The following SPAG16 variants were observed in gnomAD, a reference collection of about 807,000 sequenced individuals.
SPAG16 encodes the protein sperm-associated antigen 16 protein.
Under a neutral mutation model 80.4 loss-of-function variants are expected in SPAG16, and 86 were observed. The ratio of observed to expected loss-of-function variants is 1.07; its 90% CI spans 0.90 to 1.28. The LOEUF (loss-of-function observed/expected upper bound fraction) is 1.28. Among genes scored for constraint, SPAG16 ranks in the 50% most tolerant of loss-of-function variants. The pLI, the probability that SPAG16 is intolerant of heterozygous loss-of-function variation, is 0.00. For synonymous variants in SPAG16, 294 were observed against 265.9 expected (o/e 1.11, Z -1.03); for missense variants, 870 against 765.3 (o/e 1.14, Z -1.61).
chr2:213,894,067 A>G (rs1050990248), intron 11 of SPAG16, among the ~76,000 whole-genome samples: 2 of 152,114 alleles, frequency 1.3e-5, no homozygotes, highest in Admixed American at 6.6e-5. Flanking sequence ...TATGCAACTG[A>G]AAACTAAAAA....
intron 10 of SPAG16, among the ~76,000 whole-genome samples, chr2:213,667,335 G>T (rs1362739851): frequency 6.6e-6 from 1 of 152,148 alleles, no homozygotes; most frequent in African/African-American, 2.4e-5. Flanking sequence ...GCTACTCTGG[G>T]AGTCAGGAGT....
At position 214,101,576 on chromosome 2, in the gene SPAG16, T is replaced by C. The variant is rs953156761; in HGVS notation, c.1528-6620T>C. On this transcript the variant is annotated intron_variant, in intron 13 of 15. Transcript: ENST00000331683. Reference sequence around the variant, plus strand: ...CATTACATGGTCTCTCATAAGCCCATGGAGGGTTAGGAGGTGCGTATCTAC... The same window carrying C: ...CATTACATGGTCTCTCATAAGCCCACGGAGGGTTAGGAGGTGCGTATCTAC... 5.9e-5 allele frequency among the ~76,000 whole-genome samples: 9 copies of C among 152,170 alleles called. No individual in the cohort carries two copies. In the East Asian group the frequency reaches 1.6e-3, roughly 26 times the overall value.
intron 10 of SPAG16, among the ~76,000 whole-genome samples, chr2:213,612,188 G>C (rs919988130): frequency 6.6e-6 from 1 of 152,054 alleles, no homozygotes; most frequent in African/African-American, 2.4e-5. Flanking sequence ...CTTATCTTTA[G>C]TTTAGATATG....
intron 10 of SPAG16, among the ~76,000 whole-genome samples, chr2:213,587,310 A>T (rs775508550): frequency 2.2e-4 from 34 of 152,082 alleles, no homozygotes; most frequent in Non-Finnish European, 3.5e-4. Context: ...CCTAGGTCAG[A>T]TGAGCTGGTA....
intron 12 of SPAG16, among the ~76,000 whole-genome samples, chr2:213,962,067 C>T (rs1302518616): frequency 6.6e-6 from 1 of 152,032 alleles, no homozygotes; most frequent in East Asian, 1.9e-4. Flanking sequence ...TGAACTGTAT[C>T]CCCTCAAAGT....
At chr2:213,966,648 A>G (rs1433924430) in intron 12 of SPAG16, among the ~76,000 whole-genome samples, 1 of 152,188 alleles carries the variant, frequency 6.6e-6, no homozygotes, top group Admixed American at 6.5e-5. Flanking sequence ...CAAATCTTCT[A>G]TGGTATACAT....
At chr2:214,391,578 C>T (rs1701081074) in intron 15 of SPAG16, among the ~76,000 whole-genome samples, 1 of 151,960 alleles carries the variant, frequency 6.6e-6, no homozygotes, top group African/African-American at 2.4e-5. Context: ...ACACACAAGG[C>T]CAAAGGAAAC....
chr2:213,752,355 A>T (rs1248910875), intron 10 of SPAG16, among the ~76,000 whole-genome samples: 1 of 151,774 alleles, frequency 6.6e-6, no homozygotes, highest in Admixed American at 6.6e-5. Context: ...ATGATTTTTG[A>T]CTCCCCTCTT....
At chr2:214,359,027 T>C (rs772149344) in intron 15 of SPAG16, among the ~76,000 whole-genome samples, 32 of 151,908 alleles carry the variant, frequency 2.1e-4, no homozygotes, top group Non-Finnish European at 3.7e-4. Flanking sequence ...GGATCAGTTA[T>C]TGAAGGCATA....
At chr2:214,153,633 C>T (rs575377460) in intron 15 of SPAG16, among the ~76,000 whole-genome samples, 2 of 151,936 alleles carry the variant, frequency 1.3e-5, no homozygotes, top group Non-Finnish European at 2.9e-5. Context: ...AAGAAAGATG[C>T]TTGAGGCTGG....
At chr2:213,866,023 A>G (rs2075666830) in intron 11 of SPAG16, among the ~76,000 whole-genome samples, 1 of 151,158 alleles carries the variant, frequency 6.6e-6, no homozygotes. Flanking sequence ...ATGGAAGAAA[A>G]ACCTGGACTA....
intron 12 of SPAG16, among the ~76,000 whole-genome samples, chr2:213,937,652 T>C (rs772081805): frequency 6.6e-5 from 10 of 151,268 alleles, no homozygotes; most frequent in South Asian, 2.1e-4. Flanking sequence ...TTTTTTTATT[T>C]TCCTTTCCCC....
chr2:213,748,274 A>C (rs1261411948), intron 10 of SPAG16, among the ~76,000 whole-genome samples: 2 of 152,186 alleles, frequency 1.3e-5, no homozygotes, highest in Non-Finnish European at 2.9e-5. Flanking sequence ...AAAATATTTC[A>C]TTGTGCATGT....
At chr2:213,515,283 C>T (rs1051979007) in intron 10 of SPAG16, among the ~76,000 whole-genome samples, 1 of 152,144 alleles carries the variant, frequency 6.6e-6, no homozygotes, top group South Asian at 2.1e-4. Flanking sequence ...CCTCCAAAGT[C>T]ACTCAATTCT....
In SPAG16 at chr2:213,728,773, A is replaced by T. The variant is rs529408199; in HGVS notation, c.1071-133712A>T. ...GTGCCTGTAGTCCCAGCTGCTCGGCAGGCTGAGGCAGGAGAATGGCACGAA... is the reference window on the plus strand; with the variant it reads ...GTGCCTGTAGTCCCAGCTGCTCGGCTGGCTGAGGCAGGAGAATGGCACGAA... On this transcript the variant is annotated intron_variant, in intron 10 of 15. Coordinates refer to ENST00000331683, the MANE Select transcript of SPAG16 (RefSeq NM_024532.5). Among the ~76,000 whole-genome samples, 350 of 151,514 alleles carry T rather than the reference A, an allele frequency of 2.3e-3. 1 individual carries two copies. The highest frequency in any genetic ancestry group is 7.9e-3 in the African/African-American group (324 of 41,232).
At chr2:213,385,964 A>G (rs530287917) in intron 9 of SPAG16, among the ~76,000 whole-genome samples, 1 of 152,144 alleles carries the variant, frequency 6.6e-6, no homozygotes, top group Non-Finnish European at 1.5e-5. Context: ...ATATTATTAT[A>G]CTATAACTTT....
intron 10 of SPAG16, among the ~76,000 whole-genome samples, chr2:213,823,357 CTTTGT>C (rs2073071114): frequency 1.3e-5 from 2 of 151,860 alleles, no homozygotes; most frequent in Non-Finnish European, 2.9e-5. Context: ...TTTTTATTTG[CTTTGT>C]TTTGTTTTGT....
intron 10 of SPAG16, among the ~76,000 whole-genome samples, chr2:213,860,440 TA>T (rs1559529350): frequency 6.6e-5 from 9 of 135,460 alleles, no homozygotes; most frequent in Middle Eastern, 3.8e-3. Flanking sequence ...TATATATTTA[TA>T]GATATATGTA....
At position 213,869,291 on chromosome 2, in the gene SPAG16, A is replaced by ATATATATATGTG. The variant is rs1449042675; in HGVS notation, c.1214+6664_1214+6665insATATATATGTGT. On this transcript the variant is annotated intron_variant, in intron 11 of 15. Coordinates refer to ENST00000331683, the MANE Select transcript of SPAG16 (RefSeq NM_024532.5). ...TATATATATATATATGTATATATAT[A>ATATATATATGTG]TGTATATATATATATAATATGTATA... Among the ~76,000 whole-genome samples the ATATATATATGTG allele has an allele frequency of 6.7e-3, 830 of 123,190 alleles. 10 individuals are homozygous for ATATATATATGTG. The highest frequency in any genetic ancestry group is 0.021 in the South Asian group (70 of 3,292). 80.8% of individuals were successfully genotyped at this position (123,190 alleles called of 152,430 possible).
Sources: allele counts gnomAD v4.1 joint callset (sites outside exome capture counted in the v4.1 genomes callset), GRCh38; gene constraint gnomAD v4.1.1; transcripts MANE v1.5; gene names NCBI Gene and HGNC (gene_info 2026-07-23, HGNC 2026-07-21).